FAM180A: variants seen among roughly 807,000 people sequenced by gnomAD.
FAM180A encodes protein FAM180A.
In FAM180A, 14 loss-of-function variants were observed where a neutral mutation model predicts 15.3. The observed-to-expected ratio is 0.92, with a 90% CI of 0.61 to 1.43. The LOEUF is 1.43. Ranked by LOEUF, FAM180A falls within the 40% of genes most tolerant of loss-of-function variation. The pLI, the probability that FAM180A is intolerant of heterozygous loss-of-function variation, is 0.00. For synonymous variants in FAM180A, 90 were observed against 96.8 expected, an observed-to-expected ratio of 0.93 and a Z score of 0.41; for missense variants, 200 against 220.8, an observed-to-expected ratio of 0.91 and a Z score of 0.60.
intron 1 of FAM180A, among the ~76,000 whole-genome samples, chr7:135,744,002 C>T (rs895265141): frequency 8.5e-5 from 13 of 152,140 alleles, no homozygotes; most frequent in African/African-American, 2.7e-4. Flanking sequence ...CCACACCCTC[C>T]CCTTATCCCT....
chr7:135,737,044 A>G, intron 2 of FAM180A, 55 bp downstream of exon 2: 1 of 1,404,188 alleles, frequency 7.1e-7, no homozygotes, highest in Non-Finnish European at 1.0e-6. Context: ...AAAAAGATAG[A>G]GAAAGTGCAG....
At chr7:135,745,575 T>C (rs1797020808) in intron 1 of FAM180A, among the ~76,000 whole-genome samples, 1 of 151,658 alleles carries the variant, frequency 6.6e-6, no homozygotes, top group African/African-American at 2.4e-5. Flanking sequence ...ATCAAACTGG[T>C]GGGGCTGGAA....
intron 2 of FAM180A, 58 bp downstream of exon 2, chr7:135,737,037 AAGAT>A: frequency 7.3e-7 from 1 of 1,361,454 alleles, no homozygotes; most frequent in East Asian, 2.4e-5. Context: ...TTTTCCAAAA[AAGAT>A]AGAGAAAGTG....
intron 2 of FAM180A, among the ~76,000 whole-genome samples, chr7:135,735,733 C>T (rs1042882935): frequency 6.6e-6 from 1 of 152,112 alleles, no homozygotes. Flanking sequence ...GATGGAGTCT[C>T]GCTCTGTCAC....
chr7:135,742,159 G>C (rs1796960149), intron 1 of FAM180A, among the ~76,000 whole-genome samples: 1 of 152,192 alleles, frequency 6.6e-6, no homozygotes, highest in African/African-American at 2.4e-5. Context: ...CAGCCACCCA[G>C]ATCTGACTCC....
At chr7:135,746,122 T>G (rs944725156) in intron 1 of FAM180A, among the ~76,000 whole-genome samples, 31 of 152,302 alleles carry the variant, frequency 2.0e-4, no homozygotes, top group African/African-American at 7.5e-4. Flanking sequence ...GCACGTCACA[T>G]CCGCTGCCTC....
chr7:135,745,503 ATG>A (rs149878365), intron 1 of FAM180A, among the ~76,000 whole-genome samples: 5 of 148,636 alleles, frequency 3.4e-5, no homozygotes, highest in Admixed American at 6.7e-5. Flanking sequence ...GTGTGTGTGT[ATG>A]TGTGTGTGTG....
At chr7:135,746,539 G>A (rs1452768632) in intron 1 of FAM180A, among the ~76,000 whole-genome samples, 1 of 152,174 alleles carries the variant, frequency 6.6e-6, no homozygotes, top group African/African-American at 2.4e-5. Flanking sequence ...AGCTCATGAT[G>A]TGGCTATCGT....
intron 2 of FAM180A, among the ~76,000 whole-genome samples, chr7:135,736,348 G>C (rs1363637181): frequency 6.6e-6 from 1 of 152,210 alleles, no homozygotes; most frequent in African/African-American, 2.4e-5. Context: ...TTCTTAACCA[G>C]ACAGTCCTAG....
At chr7:135,745,943 C>A (rs778079214) in intron 1 of FAM180A, among the ~76,000 whole-genome samples, 70 of 150,984 alleles carry the variant, frequency 4.6e-4, no homozygotes, top group Admixed American at 1.2e-3. Context: ...TTGGGTGTGA[C>A]TCCTATTCAG....
At chr7:135,740,628 A>G (rs751697055) in intron 1 of FAM180A, among the ~76,000 whole-genome samples, 2 of 152,190 alleles carry the variant, frequency 1.3e-5, no homozygotes, top group Non-Finnish European at 2.9e-5. Context: ...TCCTTCTACC[A>G]TAAAACAATT....
intron 1 of FAM180A, among the ~76,000 whole-genome samples, chr7:135,740,348 C>G (rs1796927731): frequency 6.6e-6 from 1 of 152,222 alleles, no homozygotes; most frequent in African/African-American, 2.4e-5. Context: ...AACCACTGTC[C>G]TAGTCAGAGT....
chr7:135,734,265 C>G lies in FAM180A; in HGVS notation c.232G>C (p.Glu78Gln). Residue 78 changes from glutamate (E) to glutamine (Q), a missense_variant, in exon 3 of 4, where the codon GAG becomes CAG. Glu to Gln is a conservative substitution (Grantham distance 29). Transcript: ENST00000338588. ...GCCTTCCGCAAGGAGGCCAGCTCCT[C>G]GTCCTTGATGGAGATCTGCAGGTCA... is the stretch of plus-strand genomic sequence containing the variant. ...SPDLQISIKD[E>Q]ELASLRKASD... is the part of the protein sequence containing the mutation. 2 of 1,613,736 alleles carry G rather than the reference C, an allele frequency of 1.2e-6. No individual in the cohort carries two copies. Among genetic ancestry groups the G allele is most frequent in the Non-Finnish European group, 1.7e-6 (2 of 1,179,770 alleles).
intron 1 of FAM180A, among the ~76,000 whole-genome samples, chr7:135,747,109 T>C (rs1797041642): frequency 6.6e-6 from 1 of 151,944 alleles, no homozygotes; most frequent in Admixed American, 6.6e-5. Context: ...CAAAAATAAA[T>C]AAATAAGTAA....
At chr7:135,739,407 G>A (rs367795019) in intron 1 of FAM180A, among the ~76,000 whole-genome samples, 70 of 151,402 alleles carry the variant, frequency 4.6e-4, no homozygotes, top group African/African-American at 1.5e-3. Context: ...TCAGGAGATC[G>A]AGACCATCCT....
intron 2 of FAM180A, among the ~76,000 whole-genome samples, chr7:135,736,591 GT>G (rs1434505145): frequency 6.6e-6 from 1 of 152,224 alleles, no homozygotes; most frequent in Non-Finnish European, 1.5e-5. Context: ...TGGAGGAGGA[GT>G]GGGGTCTCAG....
chr7:135,732,456 C>G (rs1304104432), intron 3 of FAM180A, among the ~76,000 whole-genome samples: 1 of 152,170 alleles, frequency 6.6e-6, no homozygotes, highest in Non-Finnish European at 1.5e-5. Flanking sequence ...ACTTTGGGAG[C>G]CTGAGGCGGG....
At chr7:135,740,192 G>T (rs1361158287) in intron 1 of FAM180A, among the ~76,000 whole-genome samples, 1 of 152,202 alleles carries the variant, frequency 6.6e-6, no homozygotes, top group Non-Finnish European at 1.5e-5. Flanking sequence ...AGGTGTCTGT[G>T]ACTCCACTAG....
At chr7:135,737,645 T>C (rs938785810) in intron 1 of FAM180A, among the ~76,000 whole-genome samples, 2 of 146,084 alleles carry the variant, frequency 1.4e-5, no homozygotes, top group Non-Finnish European at 3.0e-5. Flanking sequence ...AAAGTGGTGG[T>C]GGACACAGAG....
Sources: gnomAD v4.1 joint callset for allele counts (sites outside exome capture counted in the v4.1 genomes callset) on GRCh38, gnomAD v4.1.1 for gene constraint, MANE v1.5 for transcripts, NCBI Gene and HGNC (gene_info 2026-07-23, HGNC 2026-07-21) for gene names.